Variants in BAIAP2L1 observed in about 807,000 individuals in gnomAD.
The protein encoded by BAIAP2L1 is BAR/IMD domain containing adaptor protein 2 like 1, also known as BAR/IMD domain-containing adapter protein 2-like 1.
A neutral mutation model predicts 66.3 loss-of-function variants in BAIAP2L1; 35 were observed. That is an observed-to-expected ratio of 0.53 (90% CI 0.40 to 0.70). The LOEUF (loss-of-function observed/expected upper bound fraction) is 0.70, where lower values mean the gene tolerates loss of function less well. BAIAP2L1 is among the 30% of genes least tolerant of loss of function. The probability of loss-of-function intolerance (pLI) is 0.00; values close to 1 mark genes in which losing one functional copy is unlikely to be tolerated. For synonymous variants in BAIAP2L1, 269 were observed against 248.7 expected (o/e 1.08, Z -0.77); for missense variants, 622 against 656.9 (o/e 0.95, Z 0.58).
At chr7:98,305,060 T>TTG (rs1562966188) in intron 11 of BAIAP2L1, among the ~76,000 whole-genome samples, 4 of 147,044 alleles carry the variant, frequency 2.7e-5, no homozygotes, top group Non-Finnish European at 6.0e-5. Context: ...TTTTTTTTTT[T>TTG]TTTTTTTTTT....
chr7:98,362,356 C>A lies in BAIAP2L1; in HGVS notation c.127+1G>T, dbSNP rs1293305878. 3 of 1,603,238 alleles carry A rather than the reference C, an allele frequency of 1.9e-6. No individual in the cohort carries two copies. The highest frequency in any genetic ancestry group is 2.6e-6 in the Non-Finnish European group (3 of 1,171,400). On this transcript the variant is annotated splice_donor_variant, in intron 2 of 13. Transcript: ENST00000005260. LOFTEE classifies it high-confidence loss of function. ...TAATCAATTCAGAAAAACAGACTTACCGTTTACAGCTTTCTCATAATTTTT... is the reference window on the plus strand; with the variant it reads ...TAATCAATTCAGAAAAACAGACTTAACGTTTACAGCTTTCTCATAATTTTT...
chr7:98,297,673 G>A (rs961918250), intron 12 of BAIAP2L1, among the ~76,000 whole-genome samples: 3 of 152,122 alleles, frequency 2.0e-5, no homozygotes, highest in Non-Finnish European at 4.4e-5. Context: ...AAAGGGGGAC[G>A]CTGAGGCCCA....
intron 1 of BAIAP2L1, among the ~76,000 whole-genome samples, chr7:98,371,668 T>C (rs948776741): frequency 6.6e-6 from 1 of 152,204 alleles, no homozygotes; most frequent in Admixed American, 6.5e-5. Context: ...TTTCAAAGAA[T>C]TACCAGTATG....
intron 1 of BAIAP2L1, among the ~76,000 whole-genome samples, chr7:98,368,559 T>C (rs1802440102): frequency 6.6e-6 from 1 of 152,028 alleles, no homozygotes; most frequent in Admixed American, 6.6e-5. Context: ...GGTGTGGTGG[T>C]GCGTGCTTGT....
intron 12 of BAIAP2L1, among the ~76,000 whole-genome samples, chr7:98,300,249 A>G (rs548800173): frequency 1.6e-5 from 1 of 64,344 alleles, no homozygotes; most frequent in Non-Finnish European, 3.6e-5. Context: ...GAGGCCCAGA[A>G]CACACAGCCA....
chr7:98,364,499 CTT>C (rs1802345828), intron 1 of BAIAP2L1, among the ~76,000 whole-genome samples: 3 of 152,156 alleles, frequency 2.0e-5, no homozygotes, highest in African/African-American at 4.8e-5. Flanking sequence ...TGGCAGCGCT[CTT>C]GTCAGCCAGG....
intron 1 of BAIAP2L1, among the ~76,000 whole-genome samples, chr7:98,376,926 C>T (rs558513325): frequency 1.8e-4 from 28 of 152,152 alleles, no homozygotes; most frequent in Non-Finnish European, 3.4e-4. Flanking sequence ...AACATCTACA[C>T]TACAACTTTT....
In BAIAP2L1 at chr7:98,292,005, C is replaced by T. The variant is rs1799977569; in HGVS notation, c.*1516G>A. The stretch of plus-strand genomic sequence containing the variant: ...TGTGGCTGCAGCCCTTTCTGTAGTA[C>T]AGACTGGGGTTGTTAACATAGTTCA... On this transcript the variant is annotated 3_prime_UTR_variant, in exon 14 of 14. Coordinates refer to ENST00000005260, the MANE Select transcript of BAIAP2L1 (RefSeq NM_018842.5). 1 of 153,250 alleles carries T rather than the reference C, an allele frequency of 6.5e-6. No individual in the cohort carries two copies. Among genetic ancestry groups the T allele is most frequent in the Admixed American group, 6.5e-5 (1 of 15,378 alleles). 9.5% of individuals were successfully genotyped at this position (153,250 alleles called of 1,614,324 possible).
At chr7:98,327,691 G>A (rs1801406397) in intron 3 of BAIAP2L1, among the ~76,000 whole-genome samples, 1 of 152,050 alleles carries the variant, frequency 6.6e-6, no homozygotes, top group Non-Finnish European at 1.5e-5. Context: ...AAAGAAAAGT[G>A]AAGATTTTGT....
intron 12 of BAIAP2L1, among the ~76,000 whole-genome samples, chr7:98,296,262 G>T (rs557666363): frequency 6.6e-6 from 1 of 152,214 alleles, no homozygotes; most frequent in Non-Finnish European, 1.5e-5. Flanking sequence ...CTGGGTATAC[G>T]GAGTCACATC....
intron 3 of BAIAP2L1, among the ~76,000 whole-genome samples, chr7:98,345,538 A>T (rs1801851030): frequency 6.6e-6 from 1 of 152,076 alleles, no homozygotes; most frequent in Non-Finnish European, 1.5e-5. Context: ...GAGCCTGACC[A>T]GTATCGTGAA....
In BAIAP2L1 at chr7:98,310,538, G is replaced by C. The variant is rs1015977159; in HGVS notation, c.862C>G (p.Pro288Ala). ...GGACTGGTATATGCTCTGCCTGAAG[G>C]AGCGGGGGGCATCTTTGGTGAGCAT... ...SKCSPKMPPAPSGRAYTSPLI... is the reference protein window; with the variant it reads ...SKCSPKMPPAASGRAYTSPLI... The change falls in exon 9 of 14, where the codon CCT becomes GCT. Residue 288 changes from proline to alanine, a missense_variant. Coordinates refer to ENST00000005260, the MANE Select transcript of BAIAP2L1 (RefSeq NM_018842.5). 2 of 1,597,366 alleles carry C rather than the reference G, an allele frequency of 1.3e-6. No individual in the cohort carries two copies. The highest frequency in any genetic ancestry group is 1.7e-6 in the Non-Finnish European group (2 of 1,175,498).
At position 98,315,371 on chromosome 7, in the gene BAIAP2L1, C is replaced by T. The variant is rs1047748974; in HGVS notation, c.639+89G>A. On this transcript the variant is annotated intron_variant, in intron 7 of 13. Coordinates refer to ENST00000005260, the MANE Select transcript of BAIAP2L1 (RefSeq NM_018842.5). ...TCAGCCTCCCAAAGTGCTGGGATTA[C>T]AGGCGTGGGCCACGGCCCAGCCTTC... 31 of 1,231,554 alleles carry T rather than the reference C, an allele frequency of 2.5e-5. No homozygotes were observed. The African/African-American group carries it at 4.3e-4, about 17-fold the overall frequency. The allele number at this position is 1,231,554 out of a possible 1,614,324, so 76.3% of individuals were successfully genotyped here.
chr7:98,396,550 G>A (rs892038604), intron 1 of BAIAP2L1, among the ~76,000 whole-genome samples: 37 of 152,040 alleles, frequency 2.4e-4, no homozygotes, highest in South Asian at 2.1e-4. Context: ...TGTGGCAGCC[G>A]GTCACTAAGA....
chr7:98,376,146 A>G (rs1802622475), intron 1 of BAIAP2L1, among the ~76,000 whole-genome samples: 1 of 152,130 alleles, frequency 6.6e-6, no homozygotes, highest in Non-Finnish European at 1.5e-5. Context: ...TTTAACTTCT[A>G]CACGGTATCC....
intron 5 of BAIAP2L1, among the ~76,000 whole-genome samples, chr7:98,318,567 C>T (rs2116897940): frequency 6.6e-6 from 1 of 152,002 alleles, no homozygotes; most frequent in South Asian, 2.1e-4. Flanking sequence ...GCGTGAGCCA[C>T]CACGCCCAGT....
chr7:98,306,483 C>T lies in BAIAP2L1; in HGVS notation c.1197G>A (p.Leu399=), dbSNP rs1290328111. Reference sequence around the variant, plus strand: ...CTGCTTCTGTCTCATTTTCTTCCAGCAACTTCGTGTACGACGACGGGAACC... The same window carrying T: ...CTGCTTCTGTCTCATTTTCTTCCAGTAACTTCGTGTACGACGACGGGAACC... ...RGWFPSSYTK[L]LEENETEAVT... The change falls in exon 11 of 14, where the codon TTG becomes TTA. Residue 399 remains leucine (L), a synonymous_variant. Transcript: ENST00000005260. The T allele has an allele frequency of 6.2e-7, 1 of 1,614,166 alleles. No individual in the cohort carries two copies. Among genetic ancestry groups the T allele is most frequent in the Non-Finnish European group, 8.5e-7 (1 of 1,180,048 alleles).
chr7:98,367,779 C>G (rs6969160), intron 1 of BAIAP2L1, among the ~76,000 whole-genome samples: 2 of 151,808 alleles, frequency 1.3e-5, no homozygotes, highest in African/African-American at 4.8e-5. Flanking sequence ...TGATCCACTG[C>G]GGCCAGCCCA....
intron 1 of BAIAP2L1, among the ~76,000 whole-genome samples, chr7:98,369,663 A>ATTC (rs1554338737): frequency 9.6e-6 from 1 of 103,850 alleles, no homozygotes; most frequent in Non-Finnish European, 1.8e-5. Context: ...TGATTTCCTA[A>ATTC]TTTTTTTTTT....
Sources: gnomAD v4.1 joint callset for allele counts (sites outside exome capture counted in the v4.1 genomes callset) on GRCh38, gnomAD v4.1.1 for gene constraint, MANE v1.5 for transcripts, NCBI Gene and HGNC (gene_info 2026-07-23, HGNC 2026-07-21) for gene names.